WWP2: variants seen among roughly 807,000 people sequenced by gnomAD.
WWP2 encodes WW domain containing E3 ubiquitin protein ligase 2.
Under a neutral mutation model 121.0 loss-of-function variants are expected in WWP2, and 57 were observed. The ratio of observed to expected loss-of-function variants is 0.47; its 90% CI spans 0.38 to 0.59. The LOEUF (loss-of-function observed/expected upper bound fraction) is 0.59, where lower values mean the gene tolerates loss of function less well. Among genes scored for constraint, WWP2 ranks in the 20% least tolerant of loss-of-function variants. The pLI is 0.00. For missense variants in WWP2, 962 were observed against 1,158.9 expected (o/e 0.83, Z 2.47); for synonymous variants, 449 against 441.3 (o/e 1.02, Z -0.22).
Position 69,888,183 on chromosome 16 carries a change from A to C in WWP2, c.848A>C (p.Glu283Ala), listed in dbSNP as rs765629014. The change falls in exon 8 of 24, where the codon GAA becomes GCA. Residue 283 changes from glutamate to alanine, a missense_variant. Glu to Ala is a moderately radical substitution (Grantham distance 107, BLOSUM62 -1). Coordinates refer to ENST00000359154, the MANE Select transcript of WWP2 (RefSeq NM_001270454.2). Reference protein sequence around the residue: ...PAPATPAEGEEPSTSGTQQLP... With the variant: ...PAPATPAEGEAPSTSGTQQLP... ...CCAGCCACACCGGCTGAAGGAGAGG[A>C]ACCCAGCACTTCGGGTACACAGCAG... The C allele has an allele frequency of 6.2e-7, 1 of 1,614,192 alleles. No individual in the cohort carries two copies. Among genetic ancestry groups the C allele is most frequent in the South Asian group, 1.1e-5 (1 of 91,076 alleles).
intron 6 of WWP2, among the ~76,000 whole-genome samples, chr16:69,866,320 G>T (rs977270767): frequency 2.4e-5 from 3 of 124,972 alleles, no homozygotes; most frequent in Non-Finnish European, 3.4e-5. Flanking sequence ...ATTTATTTAT[G>T]GAGACGGAGT....
At chr16:69,896,912 A>G (rs2058113464) in intron 8 of WWP2, among the ~76,000 whole-genome samples, 1 of 152,176 alleles carries the variant, frequency 6.6e-6, no homozygotes. Context: ...CCACATATAC[A>G]GATACACGTA....
chr16:69,857,013 G>T, intron 6 of WWP2, among the ~76,000 whole-genome samples: 1 of 151,972 alleles, frequency 6.6e-6, no homozygotes, highest in East Asian at 1.9e-4. Flanking sequence ...TATGTTTCTC[G>T]TGATTCTTGA....
rs560601378 is a variant in WWP2 at position 69,886,463 on chromosome 16, C to A, written c.704-1576C>A. On this transcript the variant is annotated intron_variant, in intron 7 of 23. Transcript: ENST00000359154. ...AGCCTCACATGAAGAAAAAAAAAAA[C>A]CAAACAACTTTCTGGGCCAGGTGCC... 6.6e-5 allele frequency among the ~76,000 whole-genome samples: 10 copies of A among 151,392 alleles called. 1 individual carries two copies. The highest frequency in any genetic ancestry group is 6.3e-4 in the South Asian group (3 of 4,778).
chr16:69,901,399 G>C (rs2058201343), intron 8 of WWP2, among the ~76,000 whole-genome samples: 1 of 152,112 alleles, frequency 6.6e-6, no homozygotes, highest in Admixed American at 6.6e-5. Flanking sequence ...GGATGTGAAA[G>C]GGTTCAGGTG....
At chr16:69,786,667 T>G (rs1293121800) in intron 1 of WWP2, among the ~76,000 whole-genome samples, 1 of 151,554 alleles carries the variant, frequency 6.6e-6, no homozygotes, top group Non-Finnish European at 1.5e-5. Flanking sequence ...GTCAGGCTGG[T>G]CTCAAACTCC....
intron 8 of WWP2, among the ~76,000 whole-genome samples, chr16:69,905,288 G>A (rs929192502): frequency 2.0e-5 from 3 of 152,178 alleles, no homozygotes; most frequent in African/African-American, 4.8e-5. Context: ...AGAGTTGTCC[G>A]CTTTGGGGGG....
At chr16:69,847,720 A>G (rs1008367419) in intron 6 of WWP2, among the ~76,000 whole-genome samples, 1 of 151,936 alleles carries the variant, frequency 6.6e-6, no homozygotes, top group Non-Finnish European at 1.5e-5. Flanking sequence ...GCTCTTTTTA[A>G]TAACCCATTC....
At chr16:69,813,403 C>T (rs978796662) in intron 4 of WWP2, among the ~76,000 whole-genome samples, 1 of 152,174 alleles carries the variant, frequency 6.6e-6, no homozygotes, top group African/African-American at 2.4e-5. Context: ...CTCAGGTGTT[C>T]CACCTGCCTC....
At chr16:69,793,222 A>C (rs908566961) in intron 2 of WWP2, among the ~76,000 whole-genome samples, 1 of 152,104 alleles carries the variant, frequency 6.6e-6, no homozygotes, top group African/African-American at 2.4e-5. Context: ...GTGTGATGGC[A>C]GGCGCCTGTA....
At chr16:69,898,193 A>G (rs1268341196) in intron 8 of WWP2, among the ~76,000 whole-genome samples, 4 of 151,510 alleles carry the variant, frequency 2.6e-5, no homozygotes, top group Non-Finnish European at 5.9e-5. Context: ...ATGCTTGGCT[A>G]GTTTTTGTTT....
At chr16:69,773,304 A>G (rs1291574018) in intron 1 of WWP2, among the ~76,000 whole-genome samples, 1 of 151,562 alleles carries the variant, frequency 6.6e-6, no homozygotes, top group Non-Finnish European at 1.5e-5. Context: ...TCAGCCTCCC[A>G]AGTAGCTGAG....
chr16:69,922,125 T>C (rs1222850852), intron 10 of WWP2, among the ~76,000 whole-genome samples: 1 of 151,878 alleles, frequency 6.6e-6, no homozygotes, highest in Non-Finnish European at 1.5e-5. Flanking sequence ...TTGTGGCTCT[T>C]AGGGTGTGGA....
At chr16:69,909,877 A>C (rs2058354432) in intron 9 of WWP2, 1 of 280,104 alleles carries the variant, frequency 3.6e-6, no homozygotes, top group African/African-American at 2.3e-5. Context: ...GTTTTGTTTC[A>C]TCTGTACAAA....
At chr16:69,848,180 G>C (rs34378064) in intron 6 of WWP2, among the ~76,000 whole-genome samples, 7 of 152,014 alleles carry the variant, frequency 4.6e-5, no homozygotes. Flanking sequence ...GTGGCTCAGC[G>C]TGCAGGCTGG....
intron 6 of WWP2, among the ~76,000 whole-genome samples, chr16:69,862,115 G>T (rs1177222223): frequency 6.6e-6 from 1 of 152,170 alleles, no homozygotes; most frequent in East Asian, 1.9e-4. Flanking sequence ...GCCCCGGCTG[G>T]AGTGCAATGG....
At chr16:69,862,624 A>G (rs7196917) in intron 6 of WWP2, among the ~76,000 whole-genome samples, 64,368 of 151,622 alleles carry the variant, frequency 0.42, 13,946 homozygotes, top group South Asian at 0.56. Flanking sequence ...TCTGGGGTCA[A>G]TGAACCTCCC....
rs1454177746 is a variant in WWP2, at chr16:69,871,896, A to G, written c.668A>G (p.Lys223Arg). The G allele has an allele frequency of 6.2e-7, 1 of 1,613,978 alleles. No homozygotes were observed. Among genetic ancestry groups the G allele is most frequent in the Non-Finnish European group, 8.5e-7 (1 of 1,180,030 alleles). ...CGGAGCCGGCACCGCCAGCCCGTCA[A>G]GAACTCAGGCCACAGTGGCTTGGCC... is the stretch of plus-strand genomic sequence containing the variant. Reference protein sequence around the residue: ...GARSRHRQPVKNSGHSGLANG... With the variant: ...GARSRHRQPVRNSGHSGLANG... Residue 223 changes from lysine (K) to arginine (R), a missense_variant, in exon 7 of 24, where the codon AAG becomes AGG. Physicochemically the swap from Lys to Arg is conservative, Grantham distance 26 (BLOSUM62 2). Transcript: ENST00000359154.
chr16:69,783,432 A>T (rs2055708086), intron 1 of WWP2, among the ~76,000 whole-genome samples: 2 of 152,110 alleles, frequency 1.3e-5, no homozygotes, highest in Non-Finnish European at 2.9e-5. Context: ...GCTACTCAGG[A>T]GGCTGAGGCA....
Sources: gnomAD v4.1 joint callset for allele counts (sites outside exome capture counted in the v4.1 genomes callset) on GRCh38, gnomAD v4.1.1 for gene constraint, MANE v1.5 for transcripts, NCBI Gene and HGNC (gene_info 2026-07-23, HGNC 2026-07-21) for gene names.